PTPRD: variants seen among roughly 807,000 people sequenced by gnomAD.
PTPRD encodes protein tyrosine phosphatase receptor type D, also known as receptor-type tyrosine-protein phosphatase delta.
Under a neutral mutation model 214.5 loss-of-function variants are expected in PTPRD, and 34 were observed. That is an observed-to-expected ratio of 0.16 (90% CI 0.12 to 0.21). The LOEUF (loss-of-function observed/expected upper bound fraction) is 0.21. Among genes scored for constraint, PTPRD ranks in the 10% least tolerant of loss-of-function variants. PTPRD has a pLI of 1.00. For missense variants in PTPRD, 2,545 were observed against 2,398.7 expected (o/e 1.06, Z -1.27); for synonymous variants, 1,128 against 845.7 (o/e 1.33, Z -5.79).
chr9:10,316,308 T>C (rs60087801), intron 3 of PTPRD, among the ~76,000 whole-genome samples: 7,473 of 151,766 alleles, frequency 0.049, 621 homozygotes, highest in African/African-American at 0.17. Context: ...ACTATAAATG[T>C]AAAGGTCCTT....
chr9:10,437,179 T>C (rs1478811109), intron 2 of PTPRD, among the ~76,000 whole-genome samples: 1 of 151,868 alleles, frequency 6.6e-6, no homozygotes, highest in Non-Finnish European at 1.5e-5. Context: ...TGAGACTATA[T>C]GAAATTTGAA....
At chr9:9,430,567 T>G (rs982256845) in intron 8 of PTPRD, among the ~76,000 whole-genome samples, 12 of 152,158 alleles carry the variant, frequency 7.9e-5, no homozygotes, top group Non-Finnish European at 1.5e-4. Context: ...AAAGTTCATA[T>G]GGAACAAAAA....
At position 8,930,875 on chromosome 9, in the gene PTPRD, G is replaced by A. The variant is rs148302406; in HGVS notation, c.-104+87822C>T. Among the ~76,000 whole-genome samples, 1,092 of 152,264 alleles carry A rather than the reference G, an allele frequency of 7.2e-3. 12 individuals carry two copies. Among genetic ancestry groups the A allele is most frequent in the African/African-American group, 0.025 (1,055 of 41,540 alleles). On this transcript the variant is annotated intron_variant, in intron 11 of 45. Transcript: ENST00000381196. ...TCTGGATATTAGCCCTTTGTCAGAT[G>A]AGTAGATTGCAAAAATGTTCTCCCA...
intron 8 of PTPRD, among the ~76,000 whole-genome samples, chr9:9,530,650 A>G (rs1283067719): frequency 6.6e-6 from 1 of 152,202 alleles, no homozygotes; most frequent in Non-Finnish European, 1.5e-5. Flanking sequence ...TGAATGGATA[A>G]AGAAAATGTT....
chr9:8,560,544 AT>A lies in PTPRD; in HGVS notation c.353-31766del, dbSNP rs2085805354. On this transcript the variant is annotated intron_variant, in intron 14 of 45. Transcript: ENST00000381196. ...TCAACATATAATTAAATTTAAAAAAATGTATGTATAGATGAGTATCCAGCTA... is the reference window on the plus strand; with the variant it reads ...TCAACATATAATTAAATTTAAAAAAAGTATGTATAGATGAGTATCCAGCTA... 2.0e-5 allele frequency among the ~76,000 whole-genome samples: 3 copies of A among 152,290 alleles called. No homozygotes were observed. In the South Asian group the frequency reaches 6.2e-4, roughly 32 times the overall value.
intron 5 of PTPRD, among the ~76,000 whole-genome samples, chr9:9,808,575 C>T (rs1056171510): frequency 2.0e-5 from 3 of 152,082 alleles, no homozygotes; most frequent in Non-Finnish European, 4.4e-5. Flanking sequence ...ATAAGACCAT[C>T]GTTGTTTACA....
At chr9:9,765,985 C>G (rs560648086) in intron 6 of PTPRD, among the ~76,000 whole-genome samples, 1 of 152,160 alleles carries the variant, frequency 6.6e-6, no homozygotes, top group Non-Finnish European at 1.5e-5. Flanking sequence ...TATGTTAGTT[C>G]AAGCAATTTT....
intron 9 of PTPRD, among the ~76,000 whole-genome samples, chr9:9,386,082 G>A (rs1268327466): frequency 1.3e-5 from 2 of 152,064 alleles, no homozygotes; most frequent in African/African-American, 2.4e-5. Context: ...TACAAAAAGA[G>A]GCAACTATTT....
intron 2 of PTPRD, among the ~76,000 whole-genome samples, chr9:10,453,915 G>A (rs193022463): frequency 9.9e-5 from 15 of 151,632 alleles, no homozygotes; most frequent in Admixed American, 5.9e-4. Context: ...ACCATTGAGC[G>A]TGAGTCAGCT....
chr9:10,527,050 T>G (rs548614762), intron 2 of PTPRD, among the ~76,000 whole-genome samples: 3 of 152,086 alleles, frequency 2.0e-5, no homozygotes, highest in Admixed American at 6.6e-5. Context: ...GCAACTCTAT[T>G]TACTTAAGAT....
intron 20 of PTPRD, among the ~76,000 whole-genome samples, 180 bp from the exon 21 acceptor site, chr9:8,518,609 GA>G (rs1204625801): frequency 6.6e-6 from 1 of 152,206 alleles, no homozygotes; most frequent in South Asian, 2.1e-4. Flanking sequence ...ATTCATAGGT[GA>G]CACAAATCCT....
At chr9:10,121,880 T>C (rs1591690874) in intron 3 of PTPRD, among the ~76,000 whole-genome samples, 1 of 152,164 alleles carries the variant, frequency 6.6e-6, no homozygotes, top group Non-Finnish European at 1.5e-5. Context: ...TCCCAAAGAA[T>C]CCCCACTCTG....
intron 9 of PTPRD, among the ~76,000 whole-genome samples, chr9:9,300,932 C>A (rs1201883790): frequency 6.6e-6 from 1 of 151,646 alleles, no homozygotes; most frequent in Admixed American, 6.6e-5. Flanking sequence ...AATTATCTAC[C>A]TGTTTTGTGA....
chr9:9,634,222 G>A (rs2095683260), intron 7 of PTPRD, among the ~76,000 whole-genome samples: 1 of 151,928 alleles, frequency 6.6e-6, no homozygotes, highest in Non-Finnish European at 1.5e-5. Flanking sequence ...CAAAAACGTT[G>A]GTGGATATAC....
At chr9:8,690,018 G>A (rs1362690377) in intron 12 of PTPRD, among the ~76,000 whole-genome samples, 1 of 150,788 alleles carries the variant, frequency 6.6e-6, no homozygotes, top group Non-Finnish European at 1.5e-5. Flanking sequence ...TGAGGCAGGA[G>A]AATTGCTTAA....
chr9:8,853,813 C>T (rs1420642904), intron 11 of PTPRD, among the ~76,000 whole-genome samples: 1 of 152,132 alleles, frequency 6.6e-6, no homozygotes, highest in Non-Finnish European at 1.5e-5. Context: ...AGGCAGTAAG[C>T]TGCCTCTTTG....
chr9:10,344,220 G>A (rs915490219), intron 2 of PTPRD, among the ~76,000 whole-genome samples: 4 of 151,776 alleles, frequency 2.6e-5, no homozygotes, highest in African/African-American at 9.7e-5. Flanking sequence ...GTGTAAGGAA[G>A]GGATCCAGTT....
intron 8 of PTPRD, among the ~76,000 whole-genome samples, chr9:9,510,786 A>G (rs2154243818): frequency 6.6e-6 from 1 of 151,808 alleles, no homozygotes; most frequent in African/African-American, 2.4e-5. Context: ...ATAAAATAAA[A>G]TAGTGGCAAA....
At chr9:10,563,735 T>A (rs930735975) in intron 2 of PTPRD, among the ~76,000 whole-genome samples, 3 of 152,034 alleles carry the variant, frequency 2.0e-5, no homozygotes, top group Non-Finnish European at 4.4e-5. Flanking sequence ...GTCTAAATGG[T>A]TGTATAAATA....
Sources: allele counts gnomAD v4.1 joint callset (sites outside exome capture counted in the v4.1 genomes callset), GRCh38; gene constraint gnomAD v4.1.1; transcripts MANE v1.5; gene names NCBI Gene and HGNC (gene_info 2026-07-23, HGNC 2026-07-21).